CNTN5: variants seen among roughly 807,000 people sequenced by gnomAD.
CNTN5 encodes the protein contactin-5.
In CNTN5, 77 loss-of-function variants were observed where a neutral mutation model predicts 129.1. The observed-to-expected ratio is 0.60, with a 90% confidence interval of 0.50 to 0.72. CNTN5 has a LOEUF of 0.72. Ranked by LOEUF, CNTN5 falls within the 30% of genes least tolerant of loss-of-function variation. The probability of loss-of-function intolerance (pLI) is 0.00; values close to 1 mark genes in which losing one functional copy is unlikely to be tolerated. For missense variants in CNTN5, 1,478 were observed against 1,328.8 expected, an observed-to-expected ratio of 1.11 and a Z score of -1.75; for synonymous variants, 509 against 465.6, an observed-to-expected ratio of 1.09 and a Z score of -1.20.
intron 3 of CNTN5, among the ~76,000 whole-genome samples, chr11:99,579,418 G>T (rs1420142041): frequency 6.6e-6 from 1 of 151,800 alleles, no homozygotes; most frequent in Admixed American, 6.6e-5. Flanking sequence ...AATTACCTTG[G>T]GCAGAATGGC....
chr11:100,343,542 G>A (rs1406238287), intron 23 of CNTN5, among the ~76,000 whole-genome samples: 1 of 152,020 alleles, frequency 6.6e-6, no homozygotes, highest in Non-Finnish European at 1.5e-5. Context: ...GTTTTCACAG[G>A]GCAGCCAAGG....
intron 2 of CNTN5, among the ~76,000 whole-genome samples, chr11:99,450,768 GTTT>G (rs34146715): frequency 0.03 from 3,180 of 104,976 alleles, 107 homozygotes; most frequent in East Asian, 0.15. Flanking sequence ...ATTGAAGCAA[GTTT>G]TTTTTTTTTT....
At chr11:99,428,681 C>A (rs1354906742) in intron 2 of CNTN5, among the ~76,000 whole-genome samples, 1 of 151,246 alleles carries the variant, frequency 6.6e-6, no homozygotes, top group African/African-American at 2.4e-5. Context: ...CTTCAAGATT[C>A]TAAATTATAT....
intron 1 of CNTN5, among the ~76,000 whole-genome samples, chr11:99,078,851 G>A (rs896271661): frequency 1.2e-4 from 18 of 151,940 alleles, no homozygotes; most frequent in African/African-American, 4.1e-4. Context: ...AAAATATAGT[G>A]AGAATGAATA....
intron 1 of CNTN5, among the ~76,000 whole-genome samples, chr11:99,081,676 A>G (rs1865803865): frequency 2.0e-5 from 3 of 152,190 alleles, no homozygotes; most frequent in Admixed American, 6.5e-5. Context: ...TTACGTTTCT[A>G]TAAATCAGGT....
At position 99,630,505 on chromosome 11, in the gene CNTN5, C is replaced by T. The variant is rs114426775; in HGVS notation, c.55+74236C>T. ...TAGCTGTCTTTCACCACCCCGCACC[C>T]CCATAGCAACTATCATGCCTCACCC... On this transcript the variant is annotated intron_variant, in intron 3 of 24. Coordinates refer to ENST00000524871, the MANE Select transcript of CNTN5 (RefSeq NM_014361.4). 5.7e-3 allele frequency among the ~76,000 whole-genome samples: 868 copies of T among 151,842 alleles called. 10 individuals carry two copies. The highest frequency in any genetic ancestry group is 0.019 in the African/African-American group (798 of 41,384).
chr11:99,949,703 C>G (rs1950630574), intron 7 of CNTN5, among the ~76,000 whole-genome samples: 1 of 152,130 alleles, frequency 6.6e-6, no homozygotes, highest in African/African-American at 2.4e-5. Flanking sequence ...TATCTAGACA[C>G]AGGGCTCCTG....
chr11:99,706,233 C>G (rs1954750725), intron 3 of CNTN5, among the ~76,000 whole-genome samples: 1 of 151,298 alleles, frequency 6.6e-6, no homozygotes, highest in African/African-American at 2.4e-5. Context: ...ATGCATCCTA[C>G]ATATTGGGAG....
intron 16 of CNTN5, among the ~76,000 whole-genome samples, chr11:100,228,201 T>G (rs1949417736): frequency 6.6e-6 from 1 of 152,146 alleles, no homozygotes; most frequent in Non-Finnish European, 1.5e-5. Context: ...TCAAGAAACT[T>G]TGGGAATAGT....
chr11:99,251,799 T>G (rs1862119819), intron 1 of CNTN5, among the ~76,000 whole-genome samples: 1 of 152,030 alleles, frequency 6.6e-6, no homozygotes, highest in Non-Finnish European at 1.5e-5. Flanking sequence ...ATACAACGCC[T>G]AAGTGGTGGT....
chr11:99,698,118 C>G (rs537536126), intron 3 of CNTN5, among the ~76,000 whole-genome samples: 2 of 150,796 alleles, frequency 1.3e-5, no homozygotes, highest in African/African-American at 4.9e-5. Flanking sequence ...TTCCTATCCC[C>G]TTAATTCATT....
chr11:99,557,332 C>G (rs1043309176), intron 3 of CNTN5, among the ~76,000 whole-genome samples: 4 of 150,902 alleles, frequency 2.7e-5, no homozygotes. Flanking sequence ...AGAATACAAA[C>G]TACATAAAGA....
chr11:99,268,488 A>G (rs1237681246), intron 1 of CNTN5, among the ~76,000 whole-genome samples: 1 of 151,892 alleles, frequency 6.6e-6, no homozygotes, highest in Non-Finnish European at 1.5e-5. Context: ...TATTGAAAAA[A>G]TACTGCAAAA....
intron 3 of CNTN5, among the ~76,000 whole-genome samples, chr11:99,731,148 G>T (rs1015131967): frequency 1.3e-5 from 2 of 150,176 alleles, no homozygotes; most frequent in Non-Finnish European, 3.0e-5. Flanking sequence ...TTGCTCTGTC[G>T]CCCAGGCTGG....
At chr11:99,422,843 T>C (rs963587958) in intron 2 of CNTN5, among the ~76,000 whole-genome samples, 1 of 151,926 alleles carries the variant, frequency 6.6e-6, no homozygotes, top group South Asian at 2.1e-4. Context: ...AGGGGTAAGT[T>C]TGAGATTTTT....
intron 1 of CNTN5, among the ~76,000 whole-genome samples, chr11:99,027,113 C>T (rs1163558641): frequency 4.0e-5 from 6 of 150,914 alleles, no homozygotes; most frequent in Admixed American, 2.0e-4. Flanking sequence ...TTTTTTTTGA[C>T]AGTTTTAATT....
chr11:99,151,082 ATTT>A (rs1860029085), intron 1 of CNTN5, among the ~76,000 whole-genome samples: 1 of 152,146 alleles, frequency 6.6e-6, no homozygotes, highest in Non-Finnish European at 1.5e-5. Context: ...ATTTATACTT[ATTT>A]AGAAGCAAAA....
At chr11:100,005,453 G>A (rs1465851521) in intron 9 of CNTN5, among the ~76,000 whole-genome samples, 1 of 151,870 alleles carries the variant, frequency 6.6e-6, no homozygotes. Flanking sequence ...TATTTTTGTG[G>A]TAAGAACACT....
intron 1 of CNTN5, among the ~76,000 whole-genome samples, chr11:99,308,920 T>C (rs915408510): frequency 6.6e-6 from 1 of 152,198 alleles, no homozygotes; most frequent in Admixed American, 6.5e-5. Flanking sequence ...TGAATCTGCT[T>C]TTAAGCCCAT....
Sources: allele counts gnomAD v4.1 joint callset (sites outside exome capture counted in the v4.1 genomes callset), GRCh38; gene constraint gnomAD v4.1.1; transcripts MANE v1.5; gene names NCBI Gene and HGNC (gene_info 2026-07-23, HGNC 2026-07-21).